MED13L: variants seen among roughly 807,000 people sequenced by gnomAD.
MED13L encodes mediator complex subunit 13L.
MED13L carries 7 observed loss-of-function variants against 220.9 expected under a neutral mutation model. The observed-to-expected ratio is 0.03, with a 90% CI of 0.02 to 0.06. The LOEUF is 0.06. MED13L is among the 10% of genes least tolerant of loss of function. The pLI is 1.00. For missense variants in MED13L, 1,965 were observed against 2,760.5 expected, an observed-to-expected ratio of 0.71 and a Z score of 6.46; for synonymous variants, 1,011 against 1,015.2, an observed-to-expected ratio of 1.00 and a Z score of 0.08.
intron 3 of MED13L, among the ~76,000 whole-genome samples, chr12:116,105,018 T>C (rs1873429212): frequency 1.3e-5 from 2 of 152,230 alleles, no homozygotes; most frequent in Admixed American, 1.3e-4. Context: ...TTGATAGAGT[T>C]AGGTGAAAAG....
chr12:116,141,672 C>T (rs1019958082), intron 2 of MED13L, among the ~76,000 whole-genome samples: 1 of 152,078 alleles, frequency 6.6e-6, no homozygotes, highest in African/African-American at 2.4e-5. Flanking sequence ...CTGGTGGAAG[C>T]CGTCCCCATC....
chr12:116,007,376 A>C (rs201133110), intron 11 of MED13L, 35 bp downstream of exon 11: 106 of 1,574,106 alleles, frequency 6.7e-5, no homozygotes, highest in African/African-American at 3.8e-4. Flanking sequence ...ATAGAAACCC[A>C]CACCATGCTG....
chr12:116,133,666 G>C (rs955737399), intron 2 of MED13L, among the ~76,000 whole-genome samples: 25 of 152,122 alleles, frequency 1.6e-4, no homozygotes, highest in African/African-American at 5.3e-4. Context: ...CAAGTGATAG[G>C]ATCAATATTC....
chr12:115,973,455 G>T (rs1222970336), intron 25 of MED13L, among the ~76,000 whole-genome samples: 1 of 152,104 alleles, frequency 6.6e-6, no homozygotes, highest in African/African-American at 2.4e-5. Context: ...CTTTTGATGG[G>T]CTCCTCCAGT....
chr12:115,963,614 A>C (rs539273803), intron 29 of MED13L, 95 bp from the exon 30 acceptor site: 2 of 867,194 alleles, frequency 2.3e-6, no homozygotes, highest in East Asian at 5.3e-5. Flanking sequence ...ATGCTCCCAA[A>C]AGTCCGTAGA....
intron 2 of MED13L, among the ~76,000 whole-genome samples, chr12:116,156,602 G>A (rs191189429): frequency 1.3e-5 from 2 of 152,158 alleles, no homozygotes; most frequent in South Asian, 2.1e-4. Flanking sequence ...ACTACTAAGC[G>A]AAGTTTTAAA....
At chr12:116,221,092 C>G (rs1430774703) in intron 2 of MED13L, among the ~76,000 whole-genome samples, 1 of 151,886 alleles carries the variant, frequency 6.6e-6, no homozygotes, top group African/African-American at 2.4e-5. Context: ...AACAAATTAG[C>G]AGCTGGGAGT....
At chr12:115,966,854 A>G (rs1393262070) in intron 28 of MED13L, among the ~76,000 whole-genome samples, 2 of 152,174 alleles carry the variant, frequency 1.3e-5, no homozygotes, top group African/African-American at 4.8e-5. Context: ...CATGCAAGCA[A>G]TAAGTAATGC....
chr12:116,095,110 C>T (rs1872543898), intron 4 of MED13L, among the ~76,000 whole-genome samples: 1 of 152,006 alleles, frequency 6.6e-6, no homozygotes, highest in East Asian at 1.9e-4. Flanking sequence ...TGCAGTGAGC[C>T]GAGATCACGC....
chr12:116,079,776 A>G (rs1323324758), intron 4 of MED13L, among the ~76,000 whole-genome samples: 1 of 152,118 alleles, frequency 6.6e-6, no homozygotes, highest in African/African-American at 2.4e-5. Context: ...GGCTCAAGCG[A>G]TTCACCAGCC....
intron 2 of MED13L, among the ~76,000 whole-genome samples, chr12:116,210,722 G>C (rs1450584032): frequency 2.0e-5 from 3 of 151,234 alleles, no homozygotes; most frequent in African/African-American, 7.3e-5. Context: ...ATCCAAAACT[G>C]GTACAATTAA....
At chr12:116,120,475 TCTCA>T (rs1555213316) in intron 2 of MED13L, among the ~76,000 whole-genome samples, 1,146 of 91,492 alleles carry the variant, frequency 0.013, 7 homozygotes, top group African/African-American at 0.017. Context: ...TCTCTCTCTC[TCTCA>T]CACACACACA....
chr12:116,015,982 T>C (rs559895156), intron 7 of MED13L, among the ~76,000 whole-genome samples: 3 of 152,204 alleles, frequency 2.0e-5, no homozygotes, highest in African/African-American at 7.2e-5. Context: ...AAATATAATC[T>C]ATTTCTTTCA....
intron 23 of MED13L, among the ~76,000 whole-genome samples, chr12:115,977,995 C>A (rs1220698118): frequency 1.3e-5 from 2 of 151,308 alleles, no homozygotes; most frequent in East Asian, 3.9e-4. Flanking sequence ...GACCTTGCCT[C>A]AAAAATAAAA....
At chr12:115,982,315 C>A (rs1258592206) in intron 22 of MED13L, 69 bp downstream of exon 22, 1 of 1,455,788 alleles carries the variant, frequency 6.9e-7, no homozygotes, top group East Asian at 2.3e-5. Flanking sequence ...AAATCATAGG[C>A]CTGTATTTAT....
Position 115,982,461 on chromosome 12 carries a change from G to A in MED13L, c.5098C>T (p.Leu1700=). The A allele has an allele frequency of 1.2e-6, 2 of 1,614,118 alleles. No homozygotes were observed. The highest frequency in any genetic ancestry group is 1.7e-6 in the Non-Finnish European group (2 of 1,180,002). ...GTGTAGCAGCGCATCAAGCTCAACA[G>A]CCAAAAGTTCCCAGAAGTGGAGTCC... The part of the protein sequence containing the change: ...EEDSTSGNFW[L]LSLMRCYTEM... The change falls in exon 22 of 31, where the codon CTG becomes TTG. Residue 1700 remains leucine (L), a synonymous_variant. Transcript: ENST00000281928.
intron 2 of MED13L, among the ~76,000 whole-genome samples, chr12:116,172,487 T>C (rs1194711135): frequency 1.3e-5 from 2 of 152,204 alleles, no homozygotes; most frequent in African/African-American, 2.4e-5. Context: ...AACTTCCTGT[T>C]TTCCGTAAAT....
At chr12:116,139,924 T>C (rs2138042695) in intron 2 of MED13L, among the ~76,000 whole-genome samples, 1 of 145,974 alleles carries the variant, frequency 6.9e-6, no homozygotes, top group South Asian at 2.2e-4. Context: ...GAGCTGAGAT[T>C]GTGCCACTGC....
At chr12:116,034,023 T>C (rs1480858399) in intron 4 of MED13L, among the ~76,000 whole-genome samples, 1 of 152,188 alleles carries the variant, frequency 6.6e-6, no homozygotes, top group East Asian at 1.9e-4. Context: ...ATCTCTATGG[T>C]TCTGCTTGCG....
Sources: allele counts gnomAD v4.1 joint callset (sites outside exome capture counted in the v4.1 genomes callset), GRCh38; gene constraint gnomAD v4.1.1; transcripts MANE v1.5; gene names NCBI Gene and HGNC (gene_info 2026-07-23, HGNC 2026-07-21).